SYT9: variants seen among roughly 807,000 people sequenced by gnomAD.
SYT9 encodes the protein synaptotagmin-9.
Under a neutral mutation model 48.4 loss-of-function variants are expected in SYT9, and 22 were observed. That is an observed-to-expected ratio of 0.45 (90% CI 0.32 to 0.65). SYT9 has a LOEUF of 0.65. Ranked by LOEUF, SYT9 falls within the 30% of genes least tolerant of loss-of-function variation. The probability of loss-of-function intolerance (pLI) is 0.03; values close to 1 mark genes in which losing one functional copy is unlikely to be tolerated. For missense variants in SYT9, 577 were observed against 622.0 expected (o/e 0.93, Z 0.77); for synonymous variants, 265 against 245.0 (o/e 1.08, Z -0.76).
At chr11:7,428,411 T>C (rs1847506844) in intron 6 of SYT9, among the ~76,000 whole-genome samples, 1 of 152,166 alleles carries the variant, frequency 6.6e-6, no homozygotes, top group Non-Finnish European at 1.5e-5. Context: ...ATTGCTAACA[T>C]GATAGGCCAG....
intron 6 of SYT9, among the ~76,000 whole-genome samples, chr11:7,443,000 G>GAT (rs71059109): frequency 0.027 from 4,066 of 152,244 alleles, 65 homozygotes; most frequent in African/African-American, 0.041. Context: ...GAGAGAGAGA[G>GAT]ATAATGAATG....
chr11:7,364,187 G>T (rs938857612), intron 3 of SYT9, among the ~76,000 whole-genome samples: 3 of 152,072 alleles, frequency 2.0e-5, no homozygotes, highest in African/African-American at 7.2e-5. Flanking sequence ...ATTGAAAGAG[G>T]CATAAAGATG....
At chr11:7,322,069 T>C (rs961812893) in intron 3 of SYT9, among the ~76,000 whole-genome samples, 2 of 152,156 alleles carry the variant, frequency 1.3e-5, no homozygotes, top group African/African-American at 4.8e-5. Context: ...TCCTGGTAGA[T>C]GCTTAACAAC....
At chr11:7,393,649 G>A (rs1455274605) in intron 3 of SYT9, among the ~76,000 whole-genome samples, 1 of 152,022 alleles carries the variant, frequency 6.6e-6, no homozygotes, top group Non-Finnish European at 1.5e-5. Flanking sequence ...TTTTGGAATA[G>A]TTTCTGAAGG....
Position 7,338,281 on chromosome 11 carries a change from A to G in SYT9, c.1044+24340A>G, listed in dbSNP as rs548948473. ...TCTAACTAGTGACCTATCTATTATT[A>G]TTAGCTTTTTCAAAGAACAAGCTCC... On this transcript the variant is annotated intron_variant, in intron 3 of 6. Transcript: ENST00000318881. Among the ~76,000 whole-genome samples the G allele has an allele frequency of 2.2e-4, 33 of 152,178 alleles. No homozygotes were observed. In the South Asian group the frequency reaches 6.0e-3, roughly 28 times the overall value.
chr11:7,466,587 G>A (rs898471052), intron 6 of SYT9, among the ~76,000 whole-genome samples: 17 of 151,932 alleles, frequency 1.1e-4, no homozygotes, highest in African/African-American at 2.7e-4. Context: ...CAGGTGTGGC[G>A]GCGGGCACCT....
chr11:7,275,780 G>A (rs777686681), intron 1 of SYT9, among the ~76,000 whole-genome samples: 2 of 152,082 alleles, frequency 1.3e-5, no homozygotes, highest in Non-Finnish European at 2.9e-5. Context: ...ACTTGCTGCT[G>A]TTCCTCCACC....
intron 1 of SYT9, among the ~76,000 whole-genome samples, chr11:7,289,958 A>T (rs1167352049): frequency 1.3e-5 from 2 of 152,274 alleles, no homozygotes; most frequent in African/African-American, 2.4e-5. Context: ...ACAGTTGAAT[A>T]CAAAGACACA....
intron 3 of SYT9, among the ~76,000 whole-genome samples, chr11:7,317,546 C>T (rs1008963071): frequency 2.0e-5 from 3 of 152,074 alleles, no homozygotes; most frequent in African/African-American, 4.8e-5. Context: ...ACAATGGGGG[C>T]CCCACCCTCA....
At position 7,298,392 on chromosome 11, in the gene SYT9, C is replaced by T. The variant is rs553735360; in HGVS notation, c.146-4647C>T. Among the ~76,000 whole-genome samples the T allele has an allele frequency of 7.2e-5, 11 of 152,256 alleles. No homozygotes were observed. In the South Asian group the frequency reaches 2.3e-3, roughly 32 times the overall value. On this transcript the variant is annotated intron_variant, in intron 1 of 6. Coordinates refer to ENST00000318881, the MANE Select transcript of SYT9 (RefSeq NM_175733.4). Reference sequence around the variant, plus strand: ...CCCTTGGTTGCTGTTTTATAAATCTCGGTACATGAATTAATTTGCCTCTTG... The same window carrying T: ...CCCTTGGTTGCTGTTTTATAAATCTTGGTACATGAATTAATTTGCCTCTTG...
intron 6 of SYT9, among the ~76,000 whole-genome samples, chr11:7,445,949 C>T (rs984469759): frequency 6.6e-6 from 1 of 152,224 alleles, no homozygotes; most frequent in African/African-American, 2.4e-5. Context: ...GTACACGGTA[C>T]GTGGCTCCTG....
rs4423166 is a variant in SYT9, at chr11:7,436,174, A to G, written c.1467+15539A>G. 6.8e-3 allele frequency among the ~76,000 whole-genome samples: 1,043 copies of G among 152,304 alleles called. 4 individuals carry two copies. The highest frequency in any genetic ancestry group is 0.011 in the Non-Finnish European group (734 of 68,028). ...CACCATCACTATCCACTCCATGCTA[A>G]GAGAACATTAGGTGGCCTCTGTTTT... is the stretch of plus-strand genomic sequence containing the variant. On this transcript the variant is annotated intron_variant, in intron 6 of 6. Transcript: ENST00000318881.
chr11:7,375,827 G>C (rs1210300598), intron 3 of SYT9, among the ~76,000 whole-genome samples: 2 of 151,948 alleles, frequency 1.3e-5, no homozygotes, highest in Non-Finnish European at 2.9e-5. Flanking sequence ...GAGATGATGG[G>C]GTTTCTCCAC....
intron 6 of SYT9, among the ~76,000 whole-genome samples, chr11:7,442,419 A>C (rs1021139408): frequency 2.6e-5 from 4 of 152,198 alleles, no homozygotes; most frequent in African/African-American, 9.7e-5. Context: ...CAAGAACCAG[A>C]GAGGCAAAGC....
At chr11:7,407,910 T>C (rs1419584036) in intron 3 of SYT9, among the ~76,000 whole-genome samples, 1 of 152,220 alleles carries the variant, frequency 6.6e-6, no homozygotes, top group Admixed American at 6.5e-5. Context: ...ACCAATACTA[T>C]GTTGTTTTGG....
intron 4 of SYT9, 83 bp from the exon 5 acceptor site, chr11:7,417,873 TC>T: frequency 1.4e-6 from 2 of 1,431,448 alleles, no homozygotes; most frequent in South Asian, 1.3e-5. Flanking sequence ...CATACCATAG[TC>T]CATGAAAACT....
At position 7,318,003 on chromosome 11, in the gene SYT9, T is replaced by A. The variant is rs1039582864; in HGVS notation, c.1044+4062T>A. ...ACACCCTCTCTGGTATTTGGATTTG[T>A]ATGAAGTCTATTGATTAATTCATGA... On this transcript the variant is annotated intron_variant, in intron 3 of 6. Coordinates refer to ENST00000318881, the MANE Select transcript of SYT9 (RefSeq NM_175733.4). Among the ~76,000 whole-genome samples, 64 of 152,372 alleles carry A rather than the reference T, an allele frequency of 4.2e-4. 1 individual carries two copies. Among genetic ancestry groups the A allele is most frequent in the African/African-American group, 1.5e-3 (62 of 41,594 alleles).
chr11:7,339,307 C>T (rs1032622639), intron 3 of SYT9, among the ~76,000 whole-genome samples: 1 of 152,002 alleles, frequency 6.6e-6, no homozygotes, highest in Non-Finnish European at 1.5e-5. Context: ...TTTTATCCAG[C>T]GTGCCATTCT....
chr11:7,264,427 G>A (rs1346754439), intron 1 of SYT9, among the ~76,000 whole-genome samples: 1 of 152,084 alleles, frequency 6.6e-6, no homozygotes, highest in African/African-American at 2.4e-5. Context: ...GGGGTTGTGT[G>A]TATGAGAACA....
Sources: allele counts gnomAD v4.1 joint callset (sites outside exome capture counted in the v4.1 genomes callset), GRCh38; gene constraint gnomAD v4.1.1; transcripts MANE v1.5; gene names NCBI Gene and HGNC (gene_info 2026-07-23, HGNC 2026-07-21).